KLHL1: variants seen among roughly 807,000 people sequenced by gnomAD.
The protein encoded by KLHL1 is kelch like family member 1, also known as kelch-like protein 1.
Under a neutral mutation model 77.7 loss-of-function variants are expected in KLHL1, and 47 were observed. The ratio of observed to expected loss-of-function variants is 0.60; its 90% CI spans 0.48 to 0.77. KLHL1 has a LOEUF of 0.77. KLHL1 is among the 30% of genes least tolerant of loss of function. The probability of loss-of-function intolerance (pLI) is 0.00; values close to 1 mark genes in which losing one functional copy is unlikely to be tolerated. For missense variants in KLHL1, 925 were observed against 910.8 expected (o/e 1.02, Z -0.20); for synonymous variants, 360 against 325.2 (o/e 1.11, Z -1.15).
intron 9 of KLHL1, among the ~76,000 whole-genome samples, chr13:69,708,737 G>T (rs973759468): frequency 6.6e-6 from 1 of 151,882 alleles, no homozygotes. Flanking sequence ...TGAAGAAACC[G>T]TACCTTTGCC....
intron 1 of KLHL1, among the ~76,000 whole-genome samples, chr13:70,097,797 C>T (rs1328334290): frequency 1.3e-5 from 2 of 151,586 alleles, no homozygotes; most frequent in African/African-American, 2.4e-5. Flanking sequence ...AAGAGTTCCC[C>T]TGATACTGTT....
chr13:69,990,934 A>C (rs1002028140), intron 1 of KLHL1, among the ~76,000 whole-genome samples: 7 of 152,018 alleles, frequency 4.6e-5, no homozygotes, highest in Non-Finnish European at 2.9e-5. Context: ...ACTCAAAAAA[A>C]CTGAAATCAT....
intron 6 of KLHL1, among the ~76,000 whole-genome samples, chr13:69,806,402 T>A (rs1408771833): frequency 6.6e-6 from 1 of 152,138 alleles, no homozygotes. Context: ...CCAAGTAGCA[T>A]GTACCTCCTC....
chr13:70,100,527 G>T (rs1887900850), intron 1 of KLHL1, among the ~76,000 whole-genome samples: 1 of 152,060 alleles, frequency 6.6e-6, no homozygotes, highest in African/African-American at 2.4e-5. Flanking sequence ...TAGAGACGGG[G>T]TTTCACTAAG....
chr13:69,983,666 C>T (rs1285928300), intron 1 of KLHL1, among the ~76,000 whole-genome samples: 1 of 150,298 alleles, frequency 6.7e-6, no homozygotes, highest in Non-Finnish European at 1.5e-5. Flanking sequence ...ACTCAGGAGG[C>T]TATGACAGGA....
intron 4 of KLHL1, among the ~76,000 whole-genome samples, chr13:69,927,233 A>AC (rs1210280351): frequency 2.0e-5 from 3 of 152,132 alleles, no homozygotes; most frequent in Non-Finnish European, 2.9e-5. Context: ...ATAAAGTTAC[A>AC]CCTTTACTTC....
chr13:69,859,170 T>G (rs1880037822), intron 5 of KLHL1, among the ~76,000 whole-genome samples: 1 of 152,062 alleles, frequency 6.6e-6, no homozygotes, highest in Non-Finnish European at 1.5e-5. Context: ...GCCTCAACTA[T>G]TGTAATACCT....
At chr13:69,766,784 G>A (rs1593809787) in intron 7 of KLHL1, among the ~76,000 whole-genome samples, 2 of 152,108 alleles carry the variant, frequency 1.3e-5, no homozygotes, top group East Asian at 3.9e-4. Context: ...GTAAAAATGG[G>A]GTTATTGTAG....
chr13:70,060,811 A>G (rs965684741), intron 1 of KLHL1, among the ~76,000 whole-genome samples: 1 of 151,550 alleles, frequency 6.6e-6, no homozygotes, highest in Non-Finnish European at 1.5e-5. Context: ...GCACCATTGC[A>G]CTCCAACCTG....
intron 1 of KLHL1, among the ~76,000 whole-genome samples, chr13:69,983,363 A>G (rs1312783478): frequency 6.6e-6 from 1 of 152,050 alleles, no homozygotes; most frequent in South Asian, 2.1e-4. Flanking sequence ...ATTTGTATGA[A>G]ATTTATATGG....
At chr13:69,913,217 A>G (rs558354169) in intron 4 of KLHL1, among the ~76,000 whole-genome samples, 1 of 152,206 alleles carries the variant, frequency 6.6e-6, no homozygotes, top group Non-Finnish European at 1.5e-5. Flanking sequence ...CTGGACTCCA[A>G]GTCACTTTAC....
intron 9 of KLHL1, among the ~76,000 whole-genome samples, chr13:69,712,771 T>TGGG (rs1566353763): frequency 7.4e-6 from 1 of 134,556 alleles, no homozygotes; most frequent in African/African-American, 2.8e-5. Flanking sequence ...TTTTTTTTTT[T>TGGG]TGGGGGGGGG....
chr13:70,102,805 C>T (rs1011222509), intron 1 of KLHL1, among the ~76,000 whole-genome samples: 11 of 152,148 alleles, frequency 7.2e-5, no homozygotes, highest in Admixed American at 2.6e-4. Flanking sequence ...AAATATTCAA[C>T]ATGCTAACTG....
intron 1 of KLHL1, among the ~76,000 whole-genome samples, chr13:70,035,867 AT>A (rs1170320996): frequency 1.3e-5 from 2 of 152,086 alleles, no homozygotes; most frequent in Admixed American, 1.3e-4. Flanking sequence ...ATTAACAATA[AT>A]TCTCATCTAT....
intron 4 of KLHL1, among the ~76,000 whole-genome samples, chr13:69,884,206 C>T (rs1881109321): frequency 6.6e-6 from 1 of 152,108 alleles, no homozygotes; most frequent in Non-Finnish European, 1.5e-5. Context: ...GGGCATCTGT[C>T]ATACATTTAC....
chr13:69,980,283 A>G (rs1041578535), intron 1 of KLHL1, among the ~76,000 whole-genome samples: 3 of 152,244 alleles, frequency 2.0e-5, no homozygotes, highest in Non-Finnish European at 4.4e-5. Flanking sequence ...AAAAATGTAC[A>G]ACAAATAATT....
At chr13:69,889,978 G>T (rs1881365643) in intron 4 of KLHL1, among the ~76,000 whole-genome samples, 1 of 151,884 alleles carries the variant, frequency 6.6e-6, no homozygotes, top group African/African-American at 2.4e-5. Flanking sequence ...TGATTATTCA[G>T]TCATTCAAGC....
chr13:70,062,510 A>G (rs1048151110), intron 1 of KLHL1, among the ~76,000 whole-genome samples: 3 of 152,198 alleles, frequency 2.0e-5, no homozygotes, highest in Non-Finnish European at 4.4e-5. Flanking sequence ...ATGTTCACAT[A>G]TAATTCATGC....
chr13:69,780,694 A>ATG lies in KLHL1; in HGVS notation c.1639+16043_1639+16044insCA, dbSNP rs1876103928. Among the ~76,000 whole-genome samples the ATG allele has an allele frequency of 4.1e-4, 7 of 17,150 alleles. 1 individual carries two copies. In the South Asian group the frequency reaches 5.2e-3, roughly 13 times the overall value. 11.3% of individuals were successfully genotyped at this position (17,150 alleles called of 152,430 possible). The stretch of plus-strand genomic sequence containing the variant: ...CTGAATTCTCTTTCTTCATATATAT[A>ATG]TATATATGTATATATATATATGTAT... On this transcript the variant is annotated intron_variant, in intron 7 of 10. Coordinates refer to ENST00000377844, the MANE Select transcript of KLHL1 (RefSeq NM_020866.3).
Sources: allele counts gnomAD v4.1 joint callset (sites outside exome capture counted in the v4.1 genomes callset), GRCh38; gene constraint gnomAD v4.1.1; transcripts MANE v1.5; gene names NCBI Gene and HGNC (gene_info 2026-07-23, HGNC 2026-07-21).